Variants in WASF1 observed in about 807,000 individuals in gnomAD.
WASF1 encodes the protein WASP family member 1.
WASF1 carries 7 observed loss-of-function variants against 50.5 expected under a neutral mutation model. The ratio of observed to expected loss-of-function variants is 0.14; its 90% CI spans 0.08 to 0.26. The LOEUF is 0.26. WASF1 is among the 10% of genes least tolerant of loss of function. WASF1 has a pLI of 1.00. For synonymous variants in WASF1, 205 were observed against 244.0 expected (o/e 0.84, Z 1.49); for missense variants, 470 against 694.7 (o/e 0.68, Z 3.64).
chr6:110,114,742 G>T (rs1562165530), intron 4 of WASF1, among the ~76,000 whole-genome samples: 1 of 151,814 alleles, frequency 6.6e-6, no homozygotes, highest in Non-Finnish European at 1.5e-5. Flanking sequence ...CCAAGAGGCA[G>T]CAGATGAGTT....
At chr6:110,135,719 ATCT>A (rs1774918589) in intron 3 of WASF1, among the ~76,000 whole-genome samples, 3 of 85,136 alleles carry the variant, frequency 3.5e-5, no homozygotes, top group African/African-American at 4.9e-5. Flanking sequence ...TAGGAAGATT[ATCT>A]TTTTTTTTTT....
intron 10 of WASF1, among the ~76,000 whole-genome samples, chr6:110,101,212 G>C (rs1345527409): frequency 6.6e-6 from 1 of 152,050 alleles, no homozygotes; most frequent in Non-Finnish European, 1.5e-5. Flanking sequence ...CAAGTGTCAT[G>C]GATACCCAAA....
Position 110,108,517 on chromosome 6 carries a change from A to T in WASF1, c.422+11T>A, listed in dbSNP as rs756002813. ...ATAAATAATAGGGCTACTATTTATT[A>T]ACCTACCTACCTATAAGGAGTGAGT... is the stretch of plus-strand genomic sequence containing the variant. On this transcript the variant is annotated intron_variant, in intron 6 of 10. Transcript: ENST00000392589. 29 of 1,595,534 alleles carry T rather than the reference A, an allele frequency of 1.8e-5. 1 individual carries two copies. The highest frequency in any genetic ancestry group is 1.2e-4 in the Admixed American group (7 of 56,860).
chr6:110,118,346 GCA>G (rs1773906547), intron 4 of WASF1, among the ~76,000 whole-genome samples: 1 of 4,738 alleles, frequency 2.1e-4, no homozygotes, highest in African/African-American at 8.7e-4. Context: ...CAAACGGAAA[GCA>G]AAAAAAAAAA....
At chr6:110,148,830 T>C (rs1775696507) in intron 3 of WASF1, among the ~76,000 whole-genome samples, 1 of 152,172 alleles carries the variant, frequency 6.6e-6, no homozygotes, top group Admixed American at 6.5e-5. Flanking sequence ...ACTTGGACTA[T>C]GTGATAGTGA....
rs1344065823 is a variant in WASF1, at chr6:110,102,014, G to A, written c.1096C>T (p.Pro366Ser). The change falls in exon 10 of 11, where the codon CCA becomes TCA. Residue 366 changes from proline (P) to serine (S), a missense_variant. By Grantham distance (74) the Pro-to-Ser change is moderately conservative (BLOSUM62 -1). Around this residue, in one of 3 missense-constraint regions of WASF1, gnomAD observed 294 missense variants for 343.5 expected, o/e 0.86. Coordinates refer to ENST00000392589, the MANE Select transcript of WASF1 (RefSeq NM_003931.3). ...GGAGCTGGAGGTGGTGGTACTGCTG[G>A]AGCTTGCAAAGCAGTGGCTGGAGGT... ...PPPPATALQAPAVPPPPAPLQ... is the reference protein window; with the variant it reads ...PPPPATALQASAVPPPPAPLQ... 2 of 1,559,310 alleles carry A rather than the reference G, an allele frequency of 1.3e-6. No individual in the cohort carries two copies. Among genetic ancestry groups the A allele is most frequent in the Non-Finnish European group, 1.7e-6 (2 of 1,154,518 alleles).
At chr6:110,154,972 T>C (rs1329937078) in intron 3 of WASF1, among the ~76,000 whole-genome samples, 3 of 152,046 alleles carry the variant, frequency 2.0e-5, no homozygotes, top group Admixed American at 6.6e-5. Flanking sequence ...AAGGACATAA[T>C]ATGCTAAAAA....
chr6:110,153,741 A>G (rs1775927627), intron 3 of WASF1, among the ~76,000 whole-genome samples: 1 of 151,946 alleles, frequency 6.6e-6, no homozygotes. Flanking sequence ...TGGTTTCTAC[A>G]ATGTGCTGCT....
At chr6:110,133,765 G>A (rs1485214027) in intron 3 of WASF1, among the ~76,000 whole-genome samples, 2 of 151,918 alleles carry the variant, frequency 1.3e-5, no homozygotes, top group African/African-American at 4.8e-5. Context: ...TGTAGATTCT[G>A]AATATTAATC....
intron 4 of WASF1, among the ~76,000 whole-genome samples, chr6:110,125,947 G>A (rs979716005): frequency 2.6e-5 from 4 of 152,000 alleles, no homozygotes; most frequent in African/African-American, 9.7e-5. Context: ...GGTTAGTACT[G>A]CAAATTATCA....
intron 3 of WASF1, among the ~76,000 whole-genome samples, chr6:110,136,889 T>TC: frequency 6.6e-6 from 1 of 152,308 alleles, no homozygotes; most frequent in South Asian, 2.1e-4. Flanking sequence ...CATTCCCTGA[T>TC]CCCCCAGTCT....
intron 4 of WASF1, among the ~76,000 whole-genome samples, chr6:110,115,086 G>T (rs1773738264): frequency 1.3e-5 from 2 of 148,204 alleles, no homozygotes; most frequent in Non-Finnish European, 3.0e-5. Context: ...GACAAAGTGA[G>T]ACCTTCTCTC....
intron 3 of WASF1, among the ~76,000 whole-genome samples, chr6:110,144,959 T>C (rs1012547906): frequency 1.7e-4 from 26 of 152,092 alleles, no homozygotes; most frequent in Non-Finnish European, 3.5e-4. Flanking sequence ...TTTGGTTCCA[T>C]ATGAACTTTA....
intron 3 of WASF1, among the ~76,000 whole-genome samples, chr6:110,140,560 C>T (rs1453773171): frequency 6.6e-6 from 1 of 152,134 alleles, no homozygotes; most frequent in African/African-American, 2.4e-5. Flanking sequence ...GGATCTGACA[C>T]TATCTCCAGG....
intron 4 of WASF1, among the ~76,000 whole-genome samples, chr6:110,114,533 C>T (rs59423080): frequency 0.027 from 4,155 of 152,148 alleles, 181 homozygotes; most frequent in African/African-American, 0.094. Flanking sequence ...TTTGTGGGTG[C>T]ATGGCTGTTA....
intron 3 of WASF1, among the ~76,000 whole-genome samples, chr6:110,152,994 A>G (rs1381475823): frequency 6.6e-6 from 1 of 152,192 alleles, no homozygotes; most frequent in Non-Finnish European, 1.5e-5. Context: ...CAGAGTAGTA[A>G]CTATTGTCTG....
At chr6:110,104,231 T>C (rs998744505) in intron 8 of WASF1, among the ~76,000 whole-genome samples, 3 of 152,176 alleles carry the variant, frequency 2.0e-5, no homozygotes, top group African/African-American at 7.2e-5. Flanking sequence ...TGGGAAAAAG[T>C]TGGATTTAAC....
chr6:110,168,568 C>T (rs1776569028), intron 2 of WASF1, among the ~76,000 whole-genome samples: 1 of 152,030 alleles, frequency 6.6e-6, no homozygotes, highest in Non-Finnish European at 1.5e-5. Flanking sequence ...CTCCAAGATT[C>T]CCACTTCAAA....
At chr6:110,153,523 T>G (rs1775917345) in intron 3 of WASF1, among the ~76,000 whole-genome samples, 1 of 152,178 alleles carries the variant, frequency 6.6e-6, no homozygotes, top group Non-Finnish European at 1.5e-5. Context: ...TCACCCAAAC[T>G]TGGCATTGTC....
Sources: allele counts gnomAD v4.1 joint callset (sites outside exome capture counted in the v4.1 genomes callset), GRCh38; gene constraint gnomAD v4.1.1; regional missense constraint gnomAD v4.1.1; transcripts MANE v1.5; gene names NCBI Gene and HGNC (gene_info 2026-07-23, HGNC 2026-07-21).